SERPINB10: variants seen among roughly 807,000 people sequenced by gnomAD.
SERPINB10 encodes the protein serpin B10.
In SERPINB10, 35 loss-of-function variants were observed where a neutral mutation model predicts 39.1. That is an observed-to-expected ratio of 0.90 (90% CI 0.68 to 1.19). The LOEUF is 1.19. Among genes scored for constraint, SERPINB10 ranks in the 50% most tolerant of loss-of-function variants. The probability of loss-of-function intolerance (pLI) is 0.00; values close to 1 mark genes in which losing one functional copy is unlikely to be tolerated. For synonymous variants in SERPINB10, 190 were observed against 158.1 expected (o/e 1.20, Z -1.52); for missense variants, 546 against 460.5 (o/e 1.19, Z -1.70).
intron 6 of SERPINB10, among the ~76,000 whole-genome samples, chr18:63,932,268 A>T (rs774961912): frequency 5.9e-5 from 9 of 152,210 alleles, no homozygotes; most frequent in Non-Finnish European, 1.3e-4. Flanking sequence ...TTGAGTAAAT[A>T]CCTAGGAACA....
chr18:63,919,733 A>T, intron 4 of SERPINB10, 55 bp from the exon 5 acceptor site: 10 of 1,221,442 alleles, frequency 8.2e-6, no homozygotes, highest in Non-Finnish European at 1.2e-5. Flanking sequence ...AATAGATTTG[A>T]TTTCTCAATT....
At chr18:63,933,955 T>A (rs2050242530) in intron 7 of SERPINB10, among the ~76,000 whole-genome samples, 1 of 152,202 alleles carries the variant, frequency 6.6e-6, no homozygotes, top group African/African-American at 2.4e-5. Context: ...CCAAATTATG[T>A]CATAAAATTT....
At chr18:63,921,862 G>C (rs777484664) in intron 5 of SERPINB10, among the ~76,000 whole-genome samples, 3 of 151,850 alleles carry the variant, frequency 2.0e-5, no homozygotes, top group Non-Finnish European at 2.9e-5. Context: ...AACTCCCTGT[G>C]CTACTTAATG....
In SERPINB10 at chr18:63,933,168, A is replaced by G; in HGVS notation, c.754A>G (p.Ile252Val). The change falls in exon 7 of 8, where the codon ATA (isoleucine) becomes GTA (valine). Residue 252 changes from isoleucine (I) to valine (V), a missense_variant. Physicochemically the swap from Ile to Val is conservative, Grantham distance 29. Transcript: ENST00000238508. ...CAAAAGCCGTGACCTCAGCCTGCTTATACTACTGCCAGAAGACATTAATGG... is the reference window on the plus strand; with the variant it reads ...CAAAAGCCGTGACCTCAGCCTGCTTGTACTACTGCCAGAAGACATTAATGG... ...YYKSRDLSLLILLPEDINGLE... is the reference protein window; with the variant it reads ...YYKSRDLSLLVLLPEDINGLE... 6.2e-7 allele frequency: 1 copy of G among 1,614,064 alleles called. No homozygotes were observed. Among genetic ancestry groups the G allele is most frequent in the Non-Finnish European group, 8.5e-7 (1 of 1,179,946 alleles).
chr18:63,925,954 C>T (rs992697685), intron 5 of SERPINB10, among the ~76,000 whole-genome samples: 2 of 152,036 alleles, frequency 1.3e-5, no homozygotes, highest in African/African-American at 4.8e-5. Flanking sequence ...GACATATGGG[C>T]ATCATGCACT....
At position 63,930,059 on chromosome 18, in the gene SERPINB10, C is replaced by T. The variant is rs1004482977; in HGVS notation, c.505C>T (p.Leu169Phe). The T allele has an allele frequency of 5.6e-6, 9 of 1,613,192 alleles. No individual in the cohort carries two copies. Among genetic ancestry groups the T allele is most frequent in the Non-Finnish European group, 7.6e-6 (9 of 1,179,602 alleles). ...TGTTCTTACAGGTAAAATCCAGAATCTCCTGCCTGATGACTCTGTGGATTC... is the reference window on the plus strand; with the variant it reads ...TGTTCTTACAGGTAAAATCCAGAATTTCCTGCCTGATGACTCTGTGGATTC... ...ERQTEGKIQN[L>F]LPDDSVDSTT... is the part of the protein sequence containing the mutation. The change falls in exon 6 of 8, where the codon CTC becomes TTC. Residue 169 changes from leucine (L) to phenylalanine (F), a missense_variant. Leu to Phe is a conservative substitution (Grantham distance 22, BLOSUM62 0). Transcript: ENST00000238508.
intron 1 of SERPINB10, among the ~76,000 whole-genome samples, chr18:63,909,491 A>G (rs1300702978): frequency 1.3e-5 from 2 of 152,076 alleles, no homozygotes. Context: ...GTTCTGGGTA[A>G]CATCTGATAT....
chr18:63,930,240 AT>A, intron 6 of SERPINB10, 53 bp downstream of exon 6: 1 of 1,566,206 alleles, frequency 6.4e-7, no homozygotes, highest in Middle Eastern at 1.7e-4. Context: ...TGTACAAGTG[AT>A]TCTCTTATAA....
rs561034372 is a variant in SERPINB10, at chr18:63,921,924, C to T, written c.490+2019C>T. Among the ~76,000 whole-genome samples the T allele has an allele frequency of 5.9e-5, 9 of 152,052 alleles. No individual in the cohort carries two copies. In the East Asian group the frequency reaches 1.7e-3, roughly 30 times the overall value. ...TCTGAAATACCGTTCCCTGCCCTGC[C>T]ACCCCCAACCCCTCCTTTGCCCCCA... On this transcript the variant is annotated intron_variant, in intron 5 of 7. Transcript: ENST00000238508.
chr18:63,919,896 C>G lies in SERPINB10; in HGVS notation c.481C>G (p.Gln161Glu), dbSNP rs770697450. 18 of 1,603,220 alleles carry G rather than the reference C, an allele frequency of 1.1e-5. No individual in the cohort carries two copies. The highest frequency in any genetic ancestry group is 1.5e-5 in the Non-Finnish European group (18 of 1,173,382). ...GGACATCAACTCTTGGGTTGAAAGACAGACCGAGGGTAAGCTTTCACCAAG... is the reference window on the plus strand; with the variant it reads ...GGACATCAACTCTTGGGTTGAAAGAGAGACCGAGGGTAAGCTTTCACCAAG... ...RKDINSWVER[Q>E]TEGKIQNLLP... The change falls in exon 5 of 8, where the codon CAG (glutamine) becomes GAG (glutamate). Residue 161 changes from glutamine to glutamate, a missense_variant. Transcript: ENST00000238508.
chr18:63,910,069 G>T (rs1291617809), intron 1 of SERPINB10, among the ~76,000 whole-genome samples: 2 of 151,934 alleles, frequency 1.3e-5, no homozygotes, highest in African/African-American at 2.4e-5. Context: ...GGCTAGGGGG[G>T]ATTCCCACAG....
intron 2 of SERPINB10, 44 bp downstream of exon 2, chr18:63,915,722 G>A: frequency 1.3e-6 from 2 of 1,509,416 alleles, no homozygotes; most frequent in Non-Finnish European, 1.8e-6. Flanking sequence ...TGTAAGCTAA[G>A]TGCTTTCATT....
At chr18:63,909,104 T>C (rs893333705) in intron 1 of SERPINB10, among the ~76,000 whole-genome samples, 1 of 152,062 alleles carries the variant, frequency 6.6e-6, no homozygotes, top group African/African-American at 2.4e-5. Flanking sequence ...CATGCGATGA[T>C]GAAATGTCTA....
At position 63,915,528 on chromosome 18, in the gene SERPINB10, A is replaced by G. The variant is rs1317493255; in HGVS notation, c.18A>G (p.Thr6=). Residue 6 remains threonine, a synonymous_variant, in exon 2 of 8, where the codon ACA becomes ACG. Transcript: ENST00000238508. ...TTTCCTCAATGGACTCTCTAGCAAC[A>G]TCAATCAACCAGTTTGCCCTGGAGT... is the stretch of plus-strand genomic sequence containing the variant. MDSLA[T]SINQFALELS... 6.2e-7 allele frequency: 1 copy of G among 1,611,736 alleles called. No individual in the cohort carries two copies. The highest frequency in any genetic ancestry group is 2.2e-5 in the East Asian group (1 of 44,836).
At chr18:63,926,232 A>C (rs534870383) in intron 5 of SERPINB10, among the ~76,000 whole-genome samples, 1 of 151,776 alleles carries the variant, frequency 6.6e-6, no homozygotes, top group South Asian at 2.1e-4. Context: ...TTGATACATC[A>C]CTCCAATCTT....
rs200550911 is a variant in SERPINB10, at chr18:63,918,040, G to A, written c.310G>A (p.Asp104Asn). The A allele has an allele frequency of 8.7e-6, 14 of 1,612,336 alleles. No homozygotes were observed. Among genetic ancestry groups the A allele is most frequent in the East Asian group, 6.7e-5 (3 of 44,774 alleles). ...TLISEILKPN[D>N]DYLLKTANAI... Reference sequence around the variant, plus strand: ...TATCTCAGAAATCCTCAAGCCCAACGATGACTACTTACTTAAAACAGCCAA... The same window carrying A: ...TATCTCAGAAATCCTCAAGCCCAACAATGACTACTTACTTAAAACAGCCAA... The change falls in exon 4 of 8, where the codon GAT becomes AAT. Residue 104 changes from aspartate to asparagine, a missense_variant. Physicochemically the swap from Asp to Asn is conservative, Grantham distance 23. Transcript: ENST00000238508.
Position 63,935,279 on chromosome 18 carries a change from A to C in SERPINB10, c.*37A>C. On this transcript the variant is annotated 3_prime_UTR_variant, in exon 8 of 8. Transcript: ENST00000238508. ...CTCTCAACAAACAAGACCATCTTAC[A>C]GTGTGAAAAATGTACCATGAGATGG... 1 of 1,506,512 alleles carries C rather than the reference A, an allele frequency of 6.6e-7. No individual in the cohort carries two copies. Among genetic ancestry groups the C allele is most frequent in the Non-Finnish European group, 8.8e-7 (1 of 1,134,310 alleles). The allele number at this position is 1,506,512 out of a possible 1,614,324, so 93.3% of individuals were successfully genotyped here.
At chr18:63,911,698 A>G (rs969851186) in intron 1 of SERPINB10, among the ~76,000 whole-genome samples, 1 of 152,032 alleles carries the variant, frequency 6.6e-6, no homozygotes, top group African/African-American at 2.4e-5. Flanking sequence ...TGTAGTTTGA[A>G]GTTGGGTAAA....
At chr18:63,921,564 C>T (rs917336023) in intron 5 of SERPINB10, among the ~76,000 whole-genome samples, 6 of 151,924 alleles carry the variant, frequency 3.9e-5, no homozygotes, top group Non-Finnish European at 8.8e-5. Flanking sequence ...CTTTTATCTG[C>T]ACAAATGCAA....
Sources: gnomAD v4.1 joint callset for allele counts (sites outside exome capture counted in the v4.1 genomes callset) on GRCh38, gnomAD v4.1.1 for gene constraint, MANE v1.5 for transcripts, NCBI Gene and HGNC (gene_info 2026-07-23, HGNC 2026-07-21) for gene names.